Variants in MYH15 observed in about 807,000 individuals in gnomAD.
The protein encoded by MYH15 is myosin heavy chain 15, also known as myosin-15.
MYH15 carries 227 observed loss-of-function variants against 240.5 expected under a neutral mutation model. The ratio of observed to expected loss-of-function variants is 0.94; its 90% CI spans 0.85 to 1.05. The LOEUF is 1.05. Among genes scored for constraint, MYH15 ranks in the 50% least tolerant of loss-of-function variants. The probability of loss-of-function intolerance (pLI) is 0.00; values close to 1 mark genes in which losing one functional copy is unlikely to be tolerated. For missense variants in MYH15, 2,217 were observed against 2,247.5 expected (o/e 0.99, Z 0.27); for synonymous variants, 785 against 796.7 (o/e 0.99, Z 0.25).
At chr3:108,470,958 C>G in intron 12 of MYH15, 111 bp from the exon 13 acceptor site, 1 of 911,074 alleles carries the variant, frequency 1.1e-6, no homozygotes, top group Non-Finnish European at 1.6e-6. Flanking sequence ...CTTTATTGAC[C>G]TTCTGTGCTT....
chr3:108,450,063 T>G (rs910561471), intron 21 of MYH15, among the ~76,000 whole-genome samples: 13 of 151,662 alleles, frequency 8.6e-5, no homozygotes, highest in African/African-American at 2.9e-4. Context: ...AAGATAAGAG[T>G]TGGCAAGTAT....
At chr3:108,517,680 C>T (rs1251002967) in intron 1 of MYH15, among the ~76,000 whole-genome samples, 1 of 151,982 alleles carries the variant, frequency 6.6e-6, no homozygotes, top group Non-Finnish European at 1.5e-5. Context: ...GTTGGCCAGG[C>T]TGGTCTTGAA....
intron 12 of MYH15, among the ~76,000 whole-genome samples, chr3:108,472,646 T>A (rs2083186860): frequency 6.6e-6 from 1 of 152,174 alleles, no homozygotes; most frequent in African/African-American, 2.4e-5. Flanking sequence ...CCCTTTTAAT[T>A]CCCTAAATAC....
chr3:108,522,823 C>G (rs759757702), intron 1 of MYH15, among the ~76,000 whole-genome samples: 1 of 152,098 alleles, frequency 6.6e-6, no homozygotes, highest in Non-Finnish European at 1.5e-5. Flanking sequence ...GTTATTCCTT[C>G]CTGTTCCTAA....
At chr3:108,438,715 C>G (rs562466345) in intron 24 of MYH15, among the ~76,000 whole-genome samples, 22 of 152,302 alleles carry the variant, frequency 1.4e-4, no homozygotes, top group Admixed American at 2.6e-4. Context: ...TGAGTTCTCA[C>G]TAGACACCAA....
In MYH15 at chr3:108,485,312, G is replaced by C. The variant is rs570596363; in HGVS notation, c.976-83C>G. 8 of 1,470,858 alleles carry C rather than the reference G, an allele frequency of 5.4e-6. No homozygotes were observed. In the East Asian group the frequency reaches 6.8e-5, roughly 13 times the overall value. The allele number at this position is 1,470,858 out of a possible 1,614,324, so 91.1% of individuals were successfully genotyped here. On this transcript the variant is annotated intron_variant, in intron 10 of 40. Coordinates refer to ENST00000693548, the MANE Select transcript of MYH15 (RefSeq NM_014981.3). ...CCTCACCCCCGCTGTGTTACACCTC[G>C]GGCTGTGGGCTGAGGGGAATGAGAC...
rs2082707495 is a variant in MYH15 at position 108,424,071 on chromosome 3, A to G, written c.3703-2857T>C. On this transcript the variant is annotated intron_variant, in intron 27 of 40. Coordinates refer to ENST00000693548, the MANE Select transcript of MYH15 (RefSeq NM_014981.3). ...TTTAGGGCCCTGAATATGCTGTGCT[A>G]TGCACCTGTGTGCTTAGGGTGAAAA... Among the ~76,000 whole-genome samples, 3 of 152,274 alleles carry G rather than the reference A, an allele frequency of 2.0e-5. 1 individual carries two copies. In the South Asian group the frequency reaches 6.2e-4, roughly 32 times the overall value.
intron 1 of MYH15, among the ~76,000 whole-genome samples, chr3:108,506,803 C>T (rs867263930): frequency 3.3e-5 from 5 of 152,100 alleles, no homozygotes; most frequent in East Asian, 3.9e-4. Context: ...GAGGCTGAGG[C>T]GGGCAGATCA....
At chr3:108,418,642 T>A (rs956012643) in intron 28 of MYH15, among the ~76,000 whole-genome samples, 1 of 152,094 alleles carries the variant, frequency 6.6e-6, no homozygotes, top group Non-Finnish European at 1.5e-5. Context: ...TGTGGCTTTT[T>A]TTTTTTTTGA....
Position 108,456,866 on chromosome 3 carries a change from A to G in MYH15, c.2038T>C (p.Leu680=). Residue 680 remains leucine, a synonymous_variant, in exon 19 of 41, where the codon TTG becomes CTG. Transcript: ENST00000693548. ...TTACAGCGCAACTGCTGTAGAACCA[A>G]GTAAGGGTCCAGTATACCTGGAAAA... ...NKIPGILDPY[L]VLQQLRCNGV... 1 of 1,612,840 alleles carries G rather than the reference A, an allele frequency of 6.2e-7. No individual in the cohort carries two copies. Among genetic ancestry groups the G allele is most frequent in the Non-Finnish European group, 8.5e-7 (1 of 1,179,118 alleles).
the MYH15 span, among the ~76,000 whole-genome samples, chr3:108,540,300 T>G: frequency 6.6e-6 from 1 of 152,190 alleles, no homozygotes; most frequent in Admixed American, 6.5e-5. Flanking sequence ...AGTTTAAAAG[T>G]CAGTGGCTGA....
At chr3:108,530,018 A>G (rs576045132), upstream of MYH15, among the ~76,000 whole-genome samples, 1 of 152,274 alleles carries the variant, frequency 6.6e-6, no homozygotes, top group Admixed American at 6.5e-5. Context: ...CCACCCAAAT[A>G]AATTAGAAGA....
At position 108,444,824 on chromosome 3, in the gene MYH15, A is replaced by G. The variant is rs763593177; in HGVS notation, c.2471T>C (p.Leu824Pro). The G allele has an allele frequency of 6.2e-7, 1 of 1,613,968 alleles. No homozygotes were observed. Among genetic ancestry groups the G allele is most frequent in the African/African-American group, 1.3e-5 (1 of 74,940 alleles). Residue 824 changes from leucine (L) to proline (P), a missense_variant, in exon 22 of 41, where the codon CTC becomes CCC. By Grantham distance (98) the Leu-to-Pro change is moderately conservative. Coordinates refer to ENST00000693548, the MANE Select transcript of MYH15 (RefSeq NM_014981.3). The stretch of plus-strand genomic sequence containing the variant: ...AACAAGAGGCTTGATCTTGAAGAAG[A>G]GCCTCATCCAGGGCCAGTTCTTCAC... ...MAVKNWPWMR[L>P]FFKIKPLVKS...
At chr3:108,401,214 A>G (rs750301547) in intron 33 of MYH15, among the ~76,000 whole-genome samples, 4 of 152,210 alleles carry the variant, frequency 2.6e-5, no homozygotes, top group Non-Finnish European at 5.9e-5. Flanking sequence ...ATATGACTAT[A>G]TTTGGAGATA....
chr3:108,466,086 G>A (rs2107584295), intron 14 of MYH15, among the ~76,000 whole-genome samples: 1 of 152,298 alleles, frequency 6.6e-6, no homozygotes, highest in Admixed American at 6.5e-5. Context: ...AACAAAATGA[G>A]TGTGGCCATG....
Position 108,473,971 on chromosome 3 carries a change from G to T in MYH15, c.1233+2426C>A, listed in dbSNP as rs767564331. Among the ~76,000 whole-genome samples the T allele has an allele frequency of 3.9e-5, 6 of 152,326 alleles. No individual in the cohort carries two copies. In the South Asian group the frequency reaches 1.2e-3, roughly 32 times the overall value. On this transcript the variant is annotated intron_variant, in intron 12 of 40. Transcript: ENST00000693548. ...AGGACACTCTCATCCATAAAGAACT[G>T]TCCCATCTTAAATGCCAATTACCAT...
At chr3:108,482,655 A>T (rs2083275964) in intron 11 of MYH15, among the ~76,000 whole-genome samples, 1 of 152,184 alleles carries the variant, frequency 6.6e-6, no homozygotes, top group Non-Finnish European at 1.5e-5. Context: ...CTTCATTCAC[A>T]TCTGTGCTGT....
intron 31 of MYH15, 146 bp from the exon 32 acceptor site, chr3:108,408,550 G>A (rs868181624): frequency 1.1e-4 from 81 of 709,354 alleles, no homozygotes; most frequent in Middle Eastern, 1.0e-3. Flanking sequence ...ATATGGGACC[G>A]AGAAATTTTA....
At chr3:108,511,974 T>C (rs928545110), upstream of MYH15, among the ~76,000 whole-genome samples, 2 of 152,172 alleles carry the variant, frequency 1.3e-5, no homozygotes, top group East Asian at 1.9e-4. Context: ...GCATGTGACT[T>C]GTGGGAAATC....
Sources: allele counts gnomAD v4.1 joint callset (sites outside exome capture counted in the v4.1 genomes callset), GRCh38; gene constraint gnomAD v4.1.1; transcripts MANE v1.5; gene names NCBI Gene and HGNC (gene_info 2026-07-23, HGNC 2026-07-21).